Variants in BCL11A observed in about 807,000 individuals in gnomAD.
BCL11A encodes the protein B cell CLL/lymphoma 11A.
In BCL11A, 2 loss-of-function variants were observed where a neutral mutation model predicts 55.9. The observed-to-expected ratio is 0.04, with a 90% CI of 0.01 to 0.11. The LOEUF is 0.11. BCL11A is among the 10% of genes least tolerant of loss of function. The probability of loss-of-function intolerance (pLI) is 1.00; values close to 1 mark genes in which losing one functional copy is unlikely to be tolerated. For missense variants in BCL11A, 817 were observed against 1,137.1 expected (o/e 0.72, Z 4.05); for synonymous variants, 465 against 473.4 (o/e 0.98, Z 0.23).
intron 2 of BCL11A, among the ~76,000 whole-genome samples, chr2:60,523,542 T>C (rs1669082429): frequency 6.6e-6 from 1 of 152,166 alleles, no homozygotes; most frequent in Non-Finnish European, 1.5e-5. Context: ...TATATATTCA[T>C]ACATGCATAT....
At chr2:60,553,140 C>A in intron 1 of BCL11A, 76 bp downstream of exon 1, 1 of 1,452,884 alleles carries the variant, frequency 6.9e-7, no homozygotes, top group Non-Finnish European at 9.3e-7. Flanking sequence ...CCCCTCTCTC[C>A]CCCTCGCTTT....
At chr2:60,537,556 A>G (rs1429979794) in intron 2 of BCL11A, 3 of 152,228 alleles carry the variant, frequency 2.0e-5, no homozygotes, top group Non-Finnish European at 4.4e-5. Flanking sequence ...GGGATTGGCC[A>G]AATATTAAAA....
At chr2:60,477,624 G>GAAAGAAAT (rs1213119389) in intron 2 of BCL11A, among the ~76,000 whole-genome samples, 1 of 152,018 alleles carries the variant, frequency 6.6e-6, no homozygotes, top group Non-Finnish European at 1.5e-5. Flanking sequence ...AAGAAAGAAA[G>GAAAGAAAT]AAATAATCAA....
chr2:60,465,312 G>C (rs748025063), intron 3 of BCL11A, among the ~76,000 whole-genome samples: 8 of 152,172 alleles, frequency 5.3e-5, no homozygotes, highest in Non-Finnish European at 1.0e-4. Context: ...TTGATTTATT[G>C]ATGTGTAAAA....
intron 2 of BCL11A, among the ~76,000 whole-genome samples, chr2:60,485,344 C>T (rs1357681010): frequency 1.3e-5 from 2 of 152,230 alleles, no homozygotes; most frequent in African/African-American, 4.8e-5. Flanking sequence ...CCAAGGATAG[C>T]CTGCAGTGGG....
chr2:60,475,846 T>C (rs1223874471), intron 2 of BCL11A, among the ~76,000 whole-genome samples: 1 of 152,202 alleles, frequency 6.6e-6, no homozygotes, highest in African/African-American at 2.4e-5. Flanking sequence ...CCGGATTCTT[T>C]TCTTCCTTTA....
At chr2:60,480,012 G>A (rs1677863756) in intron 2 of BCL11A, among the ~76,000 whole-genome samples, 1 of 152,170 alleles carries the variant, frequency 6.6e-6, no homozygotes, top group Non-Finnish European at 1.5e-5. Flanking sequence ...ATCATACTTT[G>A]CATTTATGGC....
At chr2:60,483,007 A>C (rs746549402) in intron 2 of BCL11A, among the ~76,000 whole-genome samples, 4 of 152,236 alleles carry the variant, frequency 2.6e-5, no homozygotes, top group Non-Finnish European at 5.9e-5. Context: ...AATGCTCAAA[A>C]TCTGATTTAC....
chr2:60,473,174 ATG>A (rs2104040436), intron 2 of BCL11A, among the ~76,000 whole-genome samples: 1 of 150,562 alleles, frequency 6.6e-6, no homozygotes, highest in East Asian at 1.9e-4. Context: ...GTGTGTGCAT[ATG>A]TGTCTGTGTA....
intron 2 of BCL11A, among the ~76,000 whole-genome samples, chr2:60,497,453 G>A (rs922923244): frequency 2.0e-5 from 3 of 152,150 alleles, no homozygotes. Flanking sequence ...ATATGAGAGT[G>A]CTTTGAAGTC....
chr2:60,524,561 G>T (rs76873822), intron 2 of BCL11A: 14 of 61,638 alleles, frequency 2.3e-4, no homozygotes, highest in Admixed American at 8.5e-4. Flanking sequence ...GATTACCAGT[G>T]CCCTTACAGA....
intron 2 of BCL11A, among the ~76,000 whole-genome samples, chr2:60,540,946 T>TTGTGTGTGTGTGTGTGTGTGTGTGTG (rs368895286): frequency 7.1e-6 from 1 of 140,216 alleles, no homozygotes. Context: ...AGCACTGGTT[T>TTGTGTGTGTGTGTGTGTGTGTGTGTG]TGTGTGTGTG....
chr2:60,553,324 C>A lies in BCL11A; in HGVS notation c.-54G>T. 1.3e-6 allele frequency: 2 copies of A among 1,494,838 alleles called. No homozygotes were observed. Among genetic ancestry groups the A allele is most frequent in the Non-Finnish European group, 8.9e-7 (1 of 1,119,100 alleles). The allele number at this position is 1,494,838 out of a possible 1,614,324, so 92.6% of individuals were successfully genotyped here. The stretch of plus-strand genomic sequence containing the variant: ...GGCGGCGGCGGCGGCGGGCGGACGA[C>A]GGCTCGGTTCACATCGGGAGAGCCG... On this transcript the variant is annotated 5_prime_UTR_variant, in exon 1 of 4. Transcript: ENST00000642384.
chr2:60,489,836 C>A (rs71526490), intron 2 of BCL11A, among the ~76,000 whole-genome samples: 1 of 152,140 alleles, frequency 6.6e-6, no homozygotes, highest in East Asian at 1.9e-4. Flanking sequence ...AGCAGGAGGA[C>A]ACTATTAAAG....
intron 2 of BCL11A, among the ~76,000 whole-genome samples, chr2:60,472,407 C>G (rs971245344): frequency 6.6e-6 from 1 of 152,204 alleles, no homozygotes; most frequent in African/African-American, 2.4e-5. Context: ...TTACACTTTT[C>G]TGGTGGAAGG....
Position 60,461,977 on chromosome 2 carries a change from G to A in BCL11A, c.935C>T (p.Ala312Val), listed in dbSNP as rs780614375. The A allele has an allele frequency of 6.2e-7, 1 of 1,613,846 alleles. No individual in the cohort carries two copies. Among genetic ancestry groups the A allele is most frequent in the Non-Finnish European group, 8.5e-7 (1 of 1,180,030 alleles). The change falls in exon 4 of 4, where the codon GCC becomes GTC. Residue 312 changes from alanine (A) to valine (V), a missense_variant. By Grantham distance (64) the Ala-to-Val change is moderately conservative (BLOSUM62 0). Transcript: ENST00000642384. Reference sequence around the variant, plus strand: ...TCTAAGTCTCCTAGAGAAATCCATGGCGGGAGGCTCCATAGCCATTGGATT... The same window carrying A: ...TCTAAGTCTCCTAGAGAAATCCATGACGGGAGGCTCCATAGCCATTGGATT... ...RLNPMAMEPP[A>V]MDFSRRLREL...
downstream of BCL11A, among the ~76,000 whole-genome samples, chr2:60,456,904 G>A (rs1675966065): frequency 6.6e-6 from 1 of 152,288 alleles, no homozygotes; most frequent in East Asian, 1.9e-4. Flanking sequence ...ACTTATGTTT[G>A]AATGGATTTC....
intron 2 of BCL11A, among the ~76,000 whole-genome samples, chr2:60,470,608 C>T (rs749596936): frequency 1.3e-5 from 2 of 152,176 alleles, no homozygotes; most frequent in Non-Finnish European, 2.9e-5. Context: ...AGTGCTTCAG[C>T]AGGCCTCCAG....
intron 2 of BCL11A, among the ~76,000 whole-genome samples, chr2:60,488,044 C>T (rs6545817): frequency 0.5 from 75,421 of 152,096 alleles, 19,656 homozygotes; most frequent in East Asian, 0.77. Context: ...AGATCCCTCT[C>T]TGTGCTATTA....
Sources: allele counts gnomAD v4.1 joint callset (sites outside exome capture counted in the v4.1 genomes callset), GRCh38; gene constraint gnomAD v4.1.1; transcripts MANE v1.5; gene names NCBI Gene and HGNC (gene_info 2026-07-23, HGNC 2026-07-21).